KRT38: variants seen among roughly 807,000 people sequenced by gnomAD.
KRT38 encodes the protein keratin 38.
KRT38 carries 45 observed loss-of-function variants against 43.1 expected under a neutral mutation model. The ratio of observed to expected loss-of-function variants is 1.04; its 90% confidence interval spans 0.82 to 1.34. The LOEUF is 1.34. Ranked by LOEUF, KRT38 falls within the 40% of genes most tolerant of loss-of-function variation. The pLI is 0.00. For missense variants in KRT38, 627 were observed against 586.2 expected (o/e 1.07, Z -0.72); for synonymous variants, 258 against 244.0 (o/e 1.06, Z -0.53).
rs767626446 is a variant in KRT38, at chr17:41,440,554, C to T, written c.368G>A (p.Arg123His). The T allele has an allele frequency of 2.2e-5, 36 of 1,614,100 alleles. No individual in the cohort carries two copies. The highest frequency in any genetic ancestry group is 9.9e-5 in the South Asian group (9 of 91,084). ...DRLANYLEKV[R>H]QLEQENAELE... Reference sequence around the variant, plus strand: ...CTCCGCATTCTCCTGCTCCAGCTGGCGCACCTTCTCCAGGTAGTTGGCCAG... The same window carrying T: ...CTCCGCATTCTCCTGCTCCAGCTGGTGCACCTTCTCCAGGTAGTTGGCCAG... Residue 123 changes from arginine (R) to histidine (H), a missense_variant, in exon 1 of 7, where the codon CGC becomes CAC. Coordinates refer to ENST00000246646, the MANE Select transcript of KRT38 (RefSeq NM_006771.4).
At chr17:41,438,892 T>A in intron 3 of KRT38, 34 bp from the exon 4 acceptor site, 2 of 1,610,016 alleles carry the variant, frequency 1.2e-6, no homozygotes, top group Non-Finnish European at 1.7e-6. Context: ...ACAGCCTGCA[T>A]GAGGAAAGGG....
chr17:41,438,452 C>T (rs771981077), intron 5 of KRT38, 39 bp downstream of exon 5: 20 of 1,613,758 alleles, frequency 1.2e-5, no homozygotes, highest in South Asian at 4.4e-5. Flanking sequence ...GGCCATGGCA[C>T]GGGGCATTTG....
In KRT38 at chr17:41,438,315, T is replaced by C; in HGVS notation, c.1021-2A>G. On this transcript the variant is annotated splice_acceptor_variant, in intron 5 of 6. Transcript: ENST00000246646. LOFTEE classifies it high-confidence loss of function. The stretch of plus-strand genomic sequence containing the variant: ...CAGGGAGTTCTGCAGACAGTCCTTC[T>C]GTAGTGGGAAATAAGGGGATAAAAT... The C allele has an allele frequency of 6.2e-7, 1 of 1,613,380 alleles. No individual in the cohort carries two copies. Among genetic ancestry groups the C allele is most frequent in the Non-Finnish European group, 8.5e-7 (1 of 1,179,424 alleles).
Position 41,438,217 on chromosome 17 carries a change from G to C in KRT38, c.1117C>G (p.Leu373Val). ...QSLISNVEEQ[L>V]SEIRADLERQ... is the part of the protein sequence containing the mutation. ...TCCAGGTCGGCCCGGATCTCAGACA[G>C]CTGCTCCTCCACGTTGCTGATGAGG... Residue 373 changes from leucine to valine, a missense_variant, in exon 6 of 7, where the codon CTG (leucine) becomes GTG (valine). Leu to Val is a conservative substitution (Grantham distance 32). Coordinates refer to ENST00000246646, the MANE Select transcript of KRT38 (RefSeq NM_006771.4). 2.5e-6 allele frequency: 4 copies of C among 1,614,146 alleles called. No individual in the cohort carries two copies. Among genetic ancestry groups the C allele is most frequent in the Non-Finnish European group, 3.4e-6 (4 of 1,180,024 alleles).
rs1434254021 is a variant in KRT38 at position 41,436,733 on chromosome 17, G to C, written c.*679C>G. The C allele has an allele frequency of 1.1e-4, 17 of 152,180 alleles. No individual in the cohort carries two copies. Among genetic ancestry groups the C allele is most frequent in the Non-Finnish European group, 2.9e-5 (2 of 68,034 alleles). 9.4% of individuals were successfully genotyped at this position (152,180 alleles called of 1,614,324 possible). On this transcript the variant is annotated 3_prime_UTR_variant, in exon 7 of 7. Transcript: ENST00000246646. ...AAGAGAGAAATTTCTTAATCTGAAA[G>C]TTCCTTTCACATAGCAAGAAGCTAT...
chr17:41,438,277 C>A lies in KRT38; in HGVS notation c.1057G>T (p.Asp353Tyr). 6.2e-7 allele frequency: 1 copy of A among 1,614,174 alleles called. No homozygotes were observed. The highest frequency in any genetic ancestry group is 1.7e-5 in the Admixed American group (1 of 60,026). The change falls in exon 6 of 7, where the codon GAC (aspartate) becomes TAC (tyrosine). Residue 353 changes from aspartate (D) to tyrosine (Y), a missense_variant. Transcript: ENST00000246646. The part of the protein sequence containing the change: ...CLQNSLCEAE[D>Y]RFGTELAQMQ... ...TGGGCCAGCTCCGTGCCGAAGCGGT[C>A]CTCGGCTTCACACAGGGAGTTCTGC...
chr17:41,440,628 G>A lies in KRT38; in HGVS notation c.294C>T (p.Asn98=), dbSNP rs767542842. Residue 98 remains asparagine (N), a synonymous_variant, in exon 1 of 7, where the codon AAC becomes AAT. Transcript: ENST00000246646. Reference sequence around the variant, plus strand: ...TCTCCTTCTCATGGCCATTCAGGGTGTTTTCACCATAGGCCCCACAGATTC... The same window carrying A: ...TCTCCTTCTCATGGCCATTCAGGGTATTTTCACCATAGGCCCCACAGATTC... ...NIGICGAYGE[N]TLNGHEKETM... The A allele has an allele frequency of 3.1e-6, 5 of 1,614,236 alleles. No homozygotes were observed. In the South Asian group the frequency reaches 5.5e-5, roughly 18 times the overall value.
In KRT38 at chr17:41,440,972, A is replaced by G. The variant is rs2144423329; in HGVS notation, c.-51T>C. ...GCTTCAGATCAGCTGGGAAAGCTGAACCACTGAGACTGAAGCCTCCTCTCC... is the reference window on the plus strand; with the variant it reads ...GCTTCAGATCAGCTGGGAAAGCTGAGCCACTGAGACTGAAGCCTCCTCTCC... On this transcript the variant is annotated 5_prime_UTR_variant, in exon 1 of 7. Coordinates refer to ENST00000246646, the MANE Select transcript of KRT38 (RefSeq NM_006771.4). The G allele has an allele frequency of 2.0e-6, 3 of 1,510,164 alleles. No homozygotes were observed. The highest frequency in any genetic ancestry group is 2.7e-6 in the Non-Finnish European group (3 of 1,131,172). 93.5% of individuals were successfully genotyped at this position (1,510,164 alleles called of 1,614,324 possible).
chr17:41,438,688 C>G lies in KRT38; in HGVS notation c.894+9G>C. The G allele has an allele frequency of 1.2e-6, 2 of 1,613,748 alleles. No individual in the cohort carries two copies. The highest frequency in any genetic ancestry group is 1.7e-6 in the Non-Finnish European group (2 of 1,179,792). On this transcript the variant is annotated intron_variant, in intron 4 of 6. Transcript: ENST00000246646. ...AGGTACCCCCTGGTTCTATACCCCC[C>G]CCACTCACCTGGGCTTGGAACCACT...
chr17:41,439,143 T>C, intron 3 of KRT38, 60 bp downstream of exon 3: 4 of 1,565,472 alleles, frequency 2.6e-6, no homozygotes, highest in South Asian at 1.2e-5. Flanking sequence ...AGCCCGGGGC[T>C]GGGGAGCTCC....
At chr17:41,437,615 G>A in intron 6 of KRT38, 74 bp from the exon 7 acceptor site, 1 of 1,472,384 alleles carries the variant, frequency 6.8e-7, no homozygotes, top group African/African-American at 1.4e-5. Flanking sequence ...GGGGCATGAG[G>A]AAGGAGTCCC....
At position 41,439,343 on chromosome 17, in the gene KRT38, A is replaced by T; in HGVS notation, c.592T>A (p.Ser198Thr). Reference sequence around the variant, plus strand: ...TCTGCCTCCACCAGCTGGCGCAGGGAGCGCTCACTCTCCAGCCTTTCATCA... The same window carrying T: ...TCTGCCTCCACCAGCTGGCGCAGGGTGCGCTCACTCTCCAGCCTTTCATCA... The part of the protein sequence containing the change: ...DFRIKLESER[S>T]LRQLVEADKC... The change falls in exon 3 of 7, where the codon TCC (serine) becomes ACC (threonine). Residue 198 changes from serine to threonine, a missense_variant. Physicochemically the swap from Ser to Thr is moderately conservative, Grantham distance 58. Transcript: ENST00000246646. 6.2e-7 allele frequency: 1 copy of T among 1,613,994 alleles called. No homozygotes were observed. Among genetic ancestry groups the T allele is most frequent in the Non-Finnish European group, 8.5e-7 (1 of 1,179,990 alleles).
In KRT38 at chr17:41,439,196, G is replaced by A. The variant is rs2018767475; in HGVS notation, c.732+7C>T. 5 of 1,612,980 alleles carry A rather than the reference G, an allele frequency of 3.1e-6. No individual in the cohort carries two copies. In the South Asian group the frequency reaches 5.5e-5, roughly 18 times the overall value. On this transcript the variant is annotated splice_region_variant and intron_variant, in intron 3 of 6. Coordinates refer to ENST00000246646, the MANE Select transcript of KRT38 (RefSeq NM_006771.4). ...CTCCCCAGGAGTTTGAGCGCCCAGG[G>A]CCACACCTGCTCGTGGTTGCTCTTG...
chr17:41,438,289 A>G lies in KRT38; in HGVS notation c.1045T>C (p.Cys349Arg), dbSNP rs2018753338. ...TLKDCLQNSL[C>R]EAEDRFGTEL... is the part of the protein sequence containing the mutation. ...GTGCCGAAGCGGTCCTCGGCTTCAC[A>G]CAGGGAGTTCTGCAGACAGTCCTTC... is the stretch of plus-strand genomic sequence containing the variant. Residue 349 changes from cysteine to arginine, a missense_variant, in exon 6 of 7, where the codon TGT (cysteine) becomes CGT (arginine). Coordinates refer to ENST00000246646, the MANE Select transcript of KRT38 (RefSeq NM_006771.4). 1.2e-6 allele frequency: 2 copies of G among 1,614,148 alleles called. No homozygotes were observed. Among genetic ancestry groups the G allele is most frequent in the East Asian group, 2.2e-5 (1 of 44,886 alleles).
intron 4 of KRT38, 23 bp from the exon 5 acceptor site, chr17:41,438,639 C>T (rs766958921): frequency 6.2e-7 from 1 of 1,613,618 alleles, no homozygotes; most frequent in South Asian, 1.1e-5. Context: ...GAGACACGGT[C>T]ACCTCCCTGC....
At position 41,438,741 on chromosome 17, in the gene KRT38, A is replaced by G. The variant is rs774732011; in HGVS notation, c.850T>C (p.Leu284=). 1.2e-6 allele frequency: 2 copies of G among 1,613,914 alleles called. No individual in the cohort carries two copies. Among genetic ancestry groups the G allele is most frequent in the East Asian group, 2.2e-5 (1 of 44,874 alleles). The change falls in exon 4 of 7, where the codon TTG becomes CTG. Residue 284 remains leucine (L), a synonymous_variant. Coordinates refer to ENST00000246646, the MANE Select transcript of KRT38 (RefSeq NM_006771.4). ...GEMRAQYEAM[L]ETNRQDVEQW... is the part of the protein sequence containing the mutation. The stretch of plus-strand genomic sequence containing the variant: ...TCCACATCCTGGCGGTTGGTCTCCA[A>G]CATGGCCTCATACTGAGCCCGCATC...
At position 41,440,825 on chromosome 17, in the gene KRT38, G is replaced by T. The variant is rs1273482810; in HGVS notation, c.97C>A (p.Gln33Lys). Reference sequence around the variant, plus strand: ...GCAATGTTGGCCTCTGCCCCAGGCTGGCACCCAATGTCGATGGGAGAGACA... The same window carrying T: ...GCAATGTTGGCCTCTGCCCCAGGCTTGCACCCAATGTCGATGGGAGAGACA... Reference protein sequence around the residue: ...VSVSPIDIGCQPGAEANIAPM... With the variant: ...VSVSPIDIGCKPGAEANIAPM... Residue 33 changes from glutamine (Q) to lysine (K), a missense_variant, in exon 1 of 7, where the codon CAG becomes AAG. By Grantham distance (53) the Gln-to-Lys change is moderately conservative (BLOSUM62 1). Transcript: ENST00000246646. 6.2e-7 allele frequency: 1 copy of T among 1,608,118 alleles called. No individual in the cohort carries two copies. Among genetic ancestry groups the T allele is most frequent in the African/African-American group, 1.3e-5 (1 of 74,864 alleles).
Position 41,440,661 on chromosome 17 carries a change from G to A in KRT38, c.261C>T (p.Gly87=), listed in dbSNP as rs758920039. ...CPLPGTCHIP[G]NIGICGAYGE... ...CATAGGCCCCACAGATTCCAATGTT[G>A]CCAGGAATGTGGCAGGTCCCTGGCA... The change falls in exon 1 of 7, where the codon GGC becomes GGT. Residue 87 remains glycine, a synonymous_variant. Coordinates refer to ENST00000246646, the MANE Select transcript of KRT38 (RefSeq NM_006771.4). 6 of 1,614,156 alleles carry A rather than the reference G, an allele frequency of 3.7e-6. No individual in the cohort carries two copies. Among genetic ancestry groups the A allele is most frequent in the Non-Finnish European group, 5.1e-6 (6 of 1,180,036 alleles).
intron 6 of KRT38, 69 bp from the exon 7 acceptor site, chr17:41,437,610 A>T: frequency 6.7e-7 from 1 of 1,484,680 alleles, no homozygotes; most frequent in Non-Finnish European, 8.9e-7. Flanking sequence ...ATGTGGGGGC[A>T]TGAGGAAGGA....
Sources: gnomAD v4.1 joint callset for allele counts on GRCh38, gnomAD v4.1.1 for gene constraint, MANE v1.5 for transcripts, NCBI Gene and HGNC (gene_info 2026-07-23, HGNC 2026-07-21) for gene names.